TMPRSS6: variants seen among roughly 807,000 people sequenced by gnomAD.
TMPRSS6 encodes the protein transmembrane serine protease 6, also known as transmembrane protease serine 6.
Under a neutral mutation model 101.5 loss-of-function variants are expected in TMPRSS6, and 67 were observed. The ratio of observed to expected loss-of-function variants is 0.66; its 90% CI spans 0.54 to 0.81. The LOEUF is 0.81. Ranked by LOEUF, TMPRSS6 falls within the 30% of genes least tolerant of loss-of-function variation. The pLI is 0.00. For synonymous variants in TMPRSS6, 453 were observed against 464.9 expected (o/e 0.97, Z 0.33); for missense variants, 1,034 against 1,088.7 (o/e 0.95, Z 0.71).
At chr22:37,081,203 T>C (rs575333840) in intron 10 of TMPRSS6, among the ~76,000 whole-genome samples, 11 of 152,356 alleles carry the variant, frequency 7.2e-5, no homozygotes, top group Non-Finnish European at 1.5e-4. Flanking sequence ...GAGCCGGTGA[T>C]GAACGCAGGT....
intron 10 of TMPRSS6, among the ~76,000 whole-genome samples, chr22:37,082,327 C>G (rs1244100207): frequency 2.0e-5 from 3 of 152,210 alleles, no homozygotes; most frequent in African/African-American, 7.2e-5. Context: ...GGGGCCCCGC[C>G]TCTGGCAAAT....
In TMPRSS6 at chr22:37,101,011, T is replaced by C. The variant is rs1601573872; in HGVS notation, c.202+2205A>G. Among the ~76,000 whole-genome samples the C allele has an allele frequency of 6.6e-6, 1 of 151,978 alleles. No individual in the cohort carries two copies. The highest frequency in any genetic ancestry group is 2.4e-5 in the African/African-American group (1 of 41,342). Reference sequence around the variant, plus strand: ...CCTGGGATGTTGGCGAGCTTGACAATGGCCATTGGAGTTGGGGGGCAGAGG... The same window carrying C: ...CCTGGGATGTTGGCGAGCTTGACAACGGCCATTGGAGTTGGGGGGCAGAGG... On this transcript the variant is annotated intron_variant, in intron 2 of 17. Transcript: ENST00000676104. The surrounding 1 kb of genome is among the most constrained non-coding windows in gnomAD (Gnocchi z 4.1).
At position 37,069,253 on chromosome 22, in the gene TMPRSS6, G is replaced by T. The variant is rs1926652248; in HGVS notation, c.1933C>A (p.Leu645Met). The T allele has an allele frequency of 6.2e-7, 1 of 1,611,742 alleles. No individual in the cohort carries two copies. Among genetic ancestry groups the T allele is most frequent in the East Asian group, 2.2e-5 (1 of 44,828 alleles). The change falls in exon 16 of 18, where the codon CTG (leucine) becomes ATG (methionine). Residue 645 changes from leucine to methionine, a missense_variant. Coordinates refer to ENST00000676104, the MANE Select transcript of TMPRSS6 (RefSeq NM_001374504.1). This position sits in a 1 kb window ranked among gnomAD's most constrained non-coding sequence, Gnocchi z 4.8. ...PGEVSFKVSR[L>M]LLHPYHEEDS... ...TCTTCGTGGTACGGGTGCAGGAGCAGGCGGCTCACCTTGAAGGACACCTCT... is the reference window on the plus strand; with the variant it reads ...TCTTCGTGGTACGGGTGCAGGAGCATGCGGCTCACCTTGAAGGACACCTCT...
Position 37,103,879 on chromosome 22 carries a change from A to G in TMPRSS6, c.-1-461T>C, listed in dbSNP as rs371104716. Among the ~76,000 whole-genome samples the G allele has an allele frequency of 6.0e-4, 91 of 152,192 alleles. No homozygotes were observed. The highest frequency in any genetic ancestry group is 2.2e-3 in the African/African-American group (90 of 41,534). ...TCACGGAGCTTCCCACCACGCCCAC[A>G]CAGTCCATGCACTTAGCCCCCGCCC... On this transcript the variant is annotated intron_variant, in intron 1 of 17. Coordinates refer to ENST00000676104, the MANE Select transcript of TMPRSS6 (RefSeq NM_001374504.1). The surrounding 1 kb of genome is among the most constrained non-coding windows in gnomAD (Gnocchi z 4.4).
chr22:37,068,234 CTGAA>C (rs1055173846), intron 16 of TMPRSS6, among the ~76,000 whole-genome samples: 16 of 152,284 alleles, frequency 1.1e-4, no homozygotes, highest in Admixed American at 8.5e-4. Flanking sequence ...CATTGAGTGA[CTGAA>C]TGAGTGAAGG....
At chr22:37,109,784 A>G (rs1012174692), upstream of TMPRSS6, among the ~76,000 whole-genome samples, 2 of 150,884 alleles carry the variant, frequency 1.3e-5, no homozygotes, top group Non-Finnish European at 3.0e-5. Context: ...CCACCCCCGC[A>G]TGGGCACCCC....
chr22:37,069,831 G>A lies in TMPRSS6; in HGVS notation c.1842-487C>T, dbSNP rs145195663. On this transcript the variant is annotated intron_variant, in intron 15 of 17. Coordinates refer to ENST00000676104, the MANE Select transcript of TMPRSS6 (RefSeq NM_001374504.1). This position sits in a 1 kb window ranked among gnomAD's most constrained non-coding sequence, Gnocchi z 4.8. ...TGGACTGCGGCAGTCAGCTGCCTGG[G>A]TGGCAGATGGGCAGCCTTCGGGTCT... is the stretch of plus-strand genomic sequence containing the variant. Among the ~76,000 whole-genome samples, 1,175 of 152,336 alleles carry A rather than the reference G, an allele frequency of 7.7e-3. 13 individuals carry two copies. The highest frequency in any genetic ancestry group is 0.013 in the Admixed American group (203 of 15,302).
Position 37,074,704 on chromosome 22 carries a change from G to T in TMPRSS6, c.1347C>A (p.Cys449Ter), listed in dbSNP as rs1396025236. ...HYGLYNQSDP[C>*]PGEFLCSVNG... ...TCACAGAACAGAGGAACTCTCCAGG[G>T]CAGGCTGCAAAACCACAGGGGACCG... The change falls in exon 12 of 18, where the codon TGC (cysteine) becomes TGA (stop). Residue 449 changes from cysteine to a stop codon, truncating the protein, a stop_gained. Transcript: ENST00000676104. LOFTEE classifies it high-confidence loss of function. The T allele has an allele frequency of 6.2e-7, 1 of 1,614,008 alleles. No individual in the cohort carries two copies. Among genetic ancestry groups the T allele is most frequent in the Non-Finnish European group, 8.5e-7 (1 of 1,180,010 alleles).
intron 6 of TMPRSS6, 81 bp from the exon 7 acceptor site, chr22:37,089,863 C>T (rs1929106535): frequency 6.9e-7 from 1 of 1,446,916 alleles, no homozygotes; most frequent in East Asian, 2.4e-5. Flanking sequence ...CCCTCAAGGT[C>T]CTCCACCAGG....
chr22:37,084,700 A>G, intron 9 of TMPRSS6, 27 bp downstream of exon 9: 1 of 1,528,152 alleles, frequency 6.5e-7, no homozygotes, highest in South Asian at 1.2e-5. Context: ...GGCAGAGGGC[A>G]GGTGGGCAGG....
chr22:37,086,497 G>C, intron 7 of TMPRSS6, 78 bp from the exon 8 acceptor site: 4 of 1,483,138 alleles, frequency 2.7e-6, no homozygotes, highest in Non-Finnish European at 3.7e-6. Flanking sequence ...GCGGCTGCTG[G>C]GGGAGGGTGG....
At position 37,074,684 on chromosome 22, in the gene TMPRSS6, G is replaced by T. The variant is rs1380225636; in HGVS notation, c.1367C>A (p.Ser456Tyr). The T allele has an allele frequency of 6.2e-7, 1 of 1,614,080 alleles. No homozygotes were observed. Among genetic ancestry groups the T allele is most frequent in the Non-Finnish European group, 8.5e-7 (1 of 1,180,046 alleles). Residue 456 changes from serine (S) to tyrosine (Y), a missense_variant, in exon 12 of 18, where the codon TCT becomes TAT. Physicochemically the swap from Ser to Tyr is moderately radical, Grantham distance 144. Coordinates refer to ENST00000676104, the MANE Select transcript of TMPRSS6 (RefSeq NM_001374504.1). ...GGCAGGGACACAGAGTCCATTCACA[G>T]AACAGAGGAACTCTCCAGGGCAGGC... ...SDPCPGEFLC[S>Y]VNGLCVPACD...
At position 37,089,721 on chromosome 22, in the gene TMPRSS6, G is replaced by A. The variant is rs769301726; in HGVS notation, c.693C>T (p.His231=). The A allele has an allele frequency of 1.3e-5, 21 of 1,612,134 alleles. No homozygotes were observed. The highest frequency in any genetic ancestry group is 1.6e-5 in the Non-Finnish European group (19 of 1,179,444). ...GGTGCCACAGGCAGCTGGAGGCCAG[G>A]TGGTCAGGCCCCTTCAGCCGGAGGA... The part of the protein sequence containing the change: ...GQVLRLKGPD[H]LASSCLWHLQ... Residue 231 remains histidine (H), a synonymous_variant, in exon 7 of 18, where the codon CAC becomes CAT. Transcript: ENST00000676104.
chr22:37,082,149 C>G (rs1928320631), intron 10 of TMPRSS6, among the ~76,000 whole-genome samples: 1 of 152,142 alleles, frequency 6.6e-6, no homozygotes, highest in Non-Finnish European at 1.5e-5. Context: ...GGGAGAGACC[C>G]CATCTGTGGA....
At chr22:37,084,660 C>T (rs1428074042) in intron 9 of TMPRSS6, 67 bp downstream of exon 9, 19 of 1,370,436 alleles carry the variant, frequency 1.4e-5, no homozygotes, top group South Asian at 6.2e-5. Context: ...CCTCTCATCC[C>T]GGGTCACCAG....
intron 9 of TMPRSS6, 119 bp downstream of exon 9, chr22:37,084,608 G>A: frequency 1.1e-6 from 1 of 941,834 alleles, no homozygotes; most frequent in Non-Finnish European, 1.7e-6. Flanking sequence ...GTGTACCCAG[G>A]GCTCAGCCTG....
Position 37,070,578 on chromosome 22 carries a change from C to A in TMPRSS6, c.1747G>T (p.Ala583Ser). Residue 583 changes from alanine (A) to serine (S), a missense_variant, in exon 15 of 18, where the codon GCC becomes TCC. Coordinates refer to ENST00000676104, the MANE Select transcript of TMPRSS6 (RefSeq NM_001374504.1). ...TGTCGACCCCGAACCTGGAGGCTGG[C>A]CTGCCATGGCCACTCACCCTCGGAG... ...VSSEGEWPWQASLQVRGRHIC... is the reference protein window; with the variant it reads ...VSSEGEWPWQSSLQVRGRHIC... 1.2e-6 allele frequency: 2 copies of A among 1,613,254 alleles called. No homozygotes were observed. The highest frequency in any genetic ancestry group is 1.7e-6 in the Non-Finnish European group (2 of 1,180,026).
At chr22:37,079,766 C>A (rs534265583) in intron 10 of TMPRSS6, among the ~76,000 whole-genome samples, 1 of 152,370 alleles carries the variant, frequency 6.6e-6, no homozygotes, top group Non-Finnish European at 1.5e-5. Flanking sequence ...GAAATGACTT[C>A]TTTGAAGCAC....
intron 8 of TMPRSS6, among the ~76,000 whole-genome samples, 155 bp downstream of exon 8, chr22:37,086,128 G>A (rs138566018): frequency 9.1e-4 from 136 of 149,734 alleles, no homozygotes; most frequent in Admixed American, 2.8e-3. Flanking sequence ...GAGGGGGGCC[G>A]GGGTGGGGAG....
Sources: allele counts gnomAD v4.1 joint callset (sites outside exome capture counted in the v4.1 genomes callset), GRCh38; gene constraint gnomAD v4.1.1; non-coding constraint Gnocchi (gnomAD v3.1); transcripts MANE v1.5; gene names NCBI Gene and HGNC (gene_info 2026-07-23, HGNC 2026-07-21).